CDKL5: variants seen among roughly 807,000 people sequenced by gnomAD.
CDKL5 encodes the protein cyclin dependent kinase like 5.
CDKL5 carries 8 observed loss-of-function variants against 61.7 expected under a neutral mutation model. The observed-to-expected ratio is 0.13, with a 90% CI of 0.08 to 0.23. The LOEUF (loss-of-function observed/expected upper bound fraction) is 0.23, where lower values mean the gene tolerates loss of function less well. CDKL5 is among the 10% of genes least tolerant of loss of function. CDKL5 has a pLI of 1.00. For synonymous variants in CDKL5, 275 were observed against 272.3 expected, an observed-to-expected ratio of 1.01 and a Z score of -0.10; for missense variants, 440 against 734.5, an observed-to-expected ratio of 0.60 and a Z score of 4.63.
intron 2 of CDKL5, among the ~76,000 whole-genome samples, chrX:18,510,072 C>T (rs1922771138): frequency 9.1e-6 from 1 of 109,556 alleles, no homozygotes; most frequent in African/African-American, 3.3e-5. Flanking sequence ...ATTTTAATGT[C>T]TTCTAGAACA....
At chrX:18,516,439 G>A (rs1923022162) in intron 3 of CDKL5, among the ~76,000 whole-genome samples, 2 of 110,942 alleles carry the variant, frequency 1.8e-5, no homozygotes, top group African/African-American at 6.5e-5. Context: ...GTAGAACAGT[G>A]CCTGGAACGC....
rs1392250797 is a variant in CDKL5 at position 18,630,908 on chromosome X, A to G, written c.*2151A>G. ...CAGCAGTTTTGCCTGGACACTAATG[A>G]CTCTAAAAGGGTGTGTATTTAACTC... On this transcript the variant is annotated 3_prime_UTR_variant, in exon 18 of 18. Transcript: ENST00000623535. The G allele has an allele frequency of 1.3e-6, 1 of 748,307 alleles. No homozygotes were observed. The highest frequency in any genetic ancestry group is 1.6e-6 in the Non-Finnish European group (1 of 637,778). 61.7% of individuals were successfully genotyped at this position (748,307 alleles called of 1,213,427 possible).
chrX:18,452,819 GTTTT>G (rs757726659), intron 1 of CDKL5, among the ~76,000 whole-genome samples: 2 of 57,681 alleles, frequency 3.5e-5, no homozygotes, highest in African/African-American at 6.9e-5. Flanking sequence ...TAGTTCTCAA[GTTTT>G]TTTTTTTTTT....
chrX:18,491,742 A>G (rs1303482398), intron 1 of CDKL5, among the ~76,000 whole-genome samples: 1 of 111,857 alleles, frequency 8.9e-6, no homozygotes, highest in Non-Finnish European at 1.9e-5. Context: ...TATTTAATTA[A>G]AATAGTTTTA....
At chrX:18,601,978 G>C (rs184502358) in intron 11 of CDKL5, among the ~76,000 whole-genome samples, 5 of 111,712 alleles carry the variant, frequency 4.5e-5, no homozygotes, top group African/African-American at 1.6e-4. Context: ...GGGAGAGCTG[G>C]ACCTGGGTAG....
In CDKL5 at chrX:18,489,776, G is replaced by A. The variant is rs183235880; in HGVS notation, c.-162-17159G>A. The stretch of plus-strand genomic sequence containing the variant: ...AAAACCAAGCTGTAGGGGGCCAGGC[G>A]TGGTGGCCTTATACCTGCAATCCCA... On this transcript the variant is annotated intron_variant, in intron 1 of 17. Coordinates refer to ENST00000623535, the MANE Select transcript of CDKL5 (RefSeq NM_001323289.2). Among the ~76,000 whole-genome samples the A allele has an allele frequency of 4.5e-3, 492 of 110,344 alleles. 2 individuals carry two copies. The Middle Eastern group carries it at 0.047, about 10-fold the overall frequency.
At chrX:18,544,230 TA>T (rs1053832333) in intron 3 of CDKL5, among the ~76,000 whole-genome samples, 19 of 112,147 alleles carry the variant, frequency 1.7e-4, no homozygotes, top group African/African-American at 5.2e-4. Flanking sequence ...CTGGGCTTTA[TA>T]ATCATAAGGG....
chrX:18,537,669 C>G (rs1484431902), intron 3 of CDKL5, among the ~76,000 whole-genome samples: 1 of 111,998 alleles, frequency 8.9e-6, no homozygotes, highest in Admixed American at 9.5e-5. Flanking sequence ...TTGCCTTCCC[C>G]TCTTTCTAAC....
Position 18,490,569 on chromosome X carries a change from C to T in CDKL5, c.-162-16366C>T, listed in dbSNP as rs768736247. Reference sequence around the variant, plus strand: ...CTGAGCTCATCATTAAGGTAGTATGCGGGAAAGCTATAACTCAAAAGTGCT... The same window carrying T: ...CTGAGCTCATCATTAAGGTAGTATGTGGGAAAGCTATAACTCAAAAGTGCT... On this transcript the variant is annotated intron_variant, in intron 1 of 17. Transcript: ENST00000623535. Among the ~76,000 whole-genome samples the T allele has an allele frequency of 6.3e-5, 7 of 111,098 alleles. No homozygotes were observed. In the East Asian group the frequency reaches 1.7e-3, roughly 27 times the overall value.
intron 8 of CDKL5, among the ~76,000 whole-genome samples, chrX:18,586,724 C>T (rs977079396): frequency 1.8e-5 from 2 of 111,729 alleles, no homozygotes; most frequent in East Asian, 5.6e-4. Flanking sequence ...ATCATTCCAG[C>T]TGCATAAATT....
At chrX:18,553,227 G>A (rs967836325) in intron 3 of CDKL5, among the ~76,000 whole-genome samples, 2 of 111,239 alleles carry the variant, frequency 1.8e-5, no homozygotes, top group African/African-American at 6.6e-5. Flanking sequence ...TGAGATATAT[G>A]GGACAGGAGA....
chrX:18,452,706 T>A (rs1384723729), intron 1 of CDKL5, among the ~76,000 whole-genome samples: 1 of 110,544 alleles, frequency 9.0e-6, no homozygotes, highest in Non-Finnish European at 1.9e-5. Context: ...CACTGGGTGG[T>A]TGTGATGTCC....
intron 3 of CDKL5, among the ~76,000 whole-genome samples, chrX:18,554,740 G>A (rs1924539795): frequency 9.0e-6 from 1 of 111,245 alleles, no homozygotes; most frequent in South Asian, 3.8e-4. Flanking sequence ...TATTTTAATG[G>A]AACCGTATTA....
At chrX:18,520,073 CTTCT>C (rs1398339916) in intron 3 of CDKL5, among the ~76,000 whole-genome samples, 3 of 111,769 alleles carry the variant, frequency 2.7e-5, no homozygotes, top group Non-Finnish European at 3.8e-5. Context: ...TTAGGCTCCC[CTTCT>C]TTCTTAAAAA....
rs12009616 is a variant in CDKL5 at position 18,475,876 on chromosome X, G to A, written c.-162-31059G>A. On this transcript the variant is annotated intron_variant, in intron 1 of 17. Coordinates refer to ENST00000623535, the MANE Select transcript of CDKL5 (RefSeq NM_001323289.2). ...TTAAAAATACATTGTATAGAGTTAT[G>A]TTTACTCATATAACAAATTTTAGAT... is the stretch of plus-strand genomic sequence containing the variant. Among the ~76,000 whole-genome samples the A allele has an allele frequency of 8.6e-3, 965 of 111,657 alleles. 9 individuals carry two copies. Among genetic ancestry groups the A allele is most frequent in the African/African-American group, 0.029 (904 of 30,774 alleles).
intron 4 of CDKL5, among the ~76,000 whole-genome samples, chrX:18,565,546 A>C (rs369158111): frequency 8.9e-6 from 1 of 112,181 alleles, no homozygotes; most frequent in African/African-American, 3.2e-5. Flanking sequence ...GTGTGGAAAT[A>C]GCAGTCATAG....
At chrX:18,600,959 G>A (rs958072186) in intron 11 of CDKL5, among the ~76,000 whole-genome samples, 1 of 111,623 alleles carries the variant, frequency 9.0e-6, no homozygotes, top group African/African-American at 3.3e-5. Context: ...CTGGTCTATG[G>A]TCCATACTTA....
At chrX:18,572,026 T>C (rs997840397) in intron 4 of CDKL5, among the ~76,000 whole-genome samples, 3 of 112,137 alleles carry the variant, frequency 2.7e-5, no homozygotes, top group Non-Finnish European at 5.6e-5. Context: ...ATTCGAATAA[T>C]GTATGTATAA....
intron 20 of CDKL5, chrX:18,646,152 C>T (rs1569229755): frequency 1.8e-6 from 2 of 1,116,502 alleles, no homozygotes; most frequent in African/African-American, 3.7e-5. Flanking sequence ...CTGAATGAAA[C>T]TTTTTTTTTT....
Sources: gnomAD v4.1 joint callset for allele counts (sites outside exome capture counted in the v4.1 genomes callset) on GRCh38, gnomAD v4.1.1 for gene constraint, MANE v1.5 for transcripts, NCBI Gene and HGNC (gene_info 2026-07-23, HGNC 2026-07-21) for gene names.